The following NMRAL1 variants were observed in gnomAD, a reference collection of about 807,000 sequenced individuals.
NMRAL1 encodes the protein nmrA-like family domain-containing protein 1.
In NMRAL1, 32 loss-of-function variants were observed where a neutral mutation model predicts 27.5. The observed-to-expected ratio is 1.16, with a 90% CI of 0.88 to 1.56. The LOEUF (loss-of-function observed/expected upper bound fraction) is 1.56, where lower values mean the gene tolerates loss of function less well. Ranked by LOEUF, NMRAL1 falls within the 40% of genes most tolerant of loss-of-function variation. NMRAL1 has a pLI of 0.00. For synonymous variants in NMRAL1, 166 were observed against 166.8 expected (o/e 1.00, Z 0.04); for missense variants, 420 against 392.0 (o/e 1.07, Z -0.60).
At position 4,466,240 on chromosome 16, in the gene NMRAL1, T is replaced by C. The variant is rs747270032; in HGVS notation, c.442A>G (p.Thr148Ala). The change falls in exon 4 of 6, where the codon ACC (threonine) becomes GCC (alanine). Residue 148 changes from threonine to alanine, a missense_variant. Coordinates refer to ENST00000283429, the MANE Select transcript of NMRAL1 (RefSeq NM_020677.6). ...AAATAGCAGGGCAGCCGCACACTGGTCATGGGAACGCCAATGTCCCGGAAA... is the reference window on the plus strand; with the variant it reads ...AAATAGCAGGGCAGCCGCACACTGGCCATGGGAACGCCAATGTCCCGGAAA... ...EYFRDIGVPM[T>A]SVRLPCYFEN... 3 of 1,614,078 alleles carry C rather than the reference T, an allele frequency of 1.9e-6. No individual in the cohort carries two copies. Among genetic ancestry groups the C allele is most frequent in the Non-Finnish European group, 2.5e-6 (3 of 1,180,010 alleles).
Position 4,466,413 on chromosome 16 carries a change from G to GGGAAGGAGAGATCACAAGGCTC in NMRAL1, c.280-33_280-12dup, listed in dbSNP as rs776879747. 1.6e-5 allele frequency: 25 copies of GGGAAGGAGAGATCACAAGGCTC among 1,608,880 alleles called. No homozygotes were observed. Among genetic ancestry groups the GGGAAGGAGAGATCACAAGGCTC allele is most frequent in the Middle Eastern group, 2.2e-4 (1 of 4,650 alleles). On this transcript the variant is annotated splice_polypyrimidine_tract_variant and intron_variant, in intron 3 of 5. Transcript: ENST00000283429. ...AGCGAGCAGCTTCCCCTGGAGGGCA[G>GGGAAGGAGAGATCACAAGGCTC]GGAAGGAGAGATCACAAGGCTCAGA...
intron 5 of NMRAL1, among the ~76,000 whole-genome samples, chr16:4,463,080 C>G (rs925822925): frequency 3.5e-4 from 53 of 151,910 alleles, no homozygotes; most frequent in Admixed American, 6.6e-4. Context: ...GTCTCAAACT[C>G]CTGACCTCAG....
At chr16:4,462,862 CTT>C (rs869127734) in intron 5 of NMRAL1, among the ~76,000 whole-genome samples, 2 of 143,630 alleles carry the variant, frequency 1.4e-5, no homozygotes. Context: ...TTCCCAGATT[CTT>C]TTTTTTTTTT....
intron 3 of NMRAL1, 179 bp from the exon 4 acceptor site, chr16:4,466,581 A>C: frequency 1.6e-6 from 1 of 621,762 alleles, no homozygotes; most frequent in South Asian, 2.0e-5. Flanking sequence ...CCACGCCCGT[A>C]AACACAGCCC....
chr16:4,462,435 C>T (rs1392738843), intron 5 of NMRAL1, among the ~76,000 whole-genome samples: 1 of 151,988 alleles, frequency 6.6e-6, no homozygotes, highest in East Asian at 1.9e-4. Flanking sequence ...CTGAGATCAC[C>T]CCACTGTACT....
At chr16:4,467,016 A>C (rs1423521232) in intron 3 of NMRAL1, 1 of 153,998 alleles carries the variant, frequency 6.5e-6, no homozygotes, top group Admixed American at 6.4e-5. Context: ...GGCAGATGTA[A>C]TTACGTGAAG....
intron 4 of NMRAL1, among the ~76,000 whole-genome samples, chr16:4,465,490 C>G (rs1361282819): frequency 6.6e-6 from 1 of 152,242 alleles, no homozygotes; most frequent in Non-Finnish European, 1.5e-5. Flanking sequence ...AAAGAGCTTT[C>G]CTAGTTTGTG....
chr16:4,474,524 CCA>C (rs1343368437), intron 1 of NMRAL1, 28 bp downstream of exon 1: 4 of 175,744 alleles, frequency 2.3e-5, no homozygotes, highest in Non-Finnish European at 3.6e-5. Context: ...GCGCTAGGCG[CCA>C]ACTCCCTCCC....
chr16:4,464,502 T>C (rs997550916), intron 4 of NMRAL1, among the ~76,000 whole-genome samples: 18 of 150,952 alleles, frequency 1.2e-4, no homozygotes, highest in African/African-American at 4.4e-4. Context: ...GCTTGGGTCC[T>C]ATCCTCCTTA....
At chr16:4,472,076 G>GA (rs1450049467) in intron 2 of NMRAL1, among the ~76,000 whole-genome samples, 2 of 148,952 alleles carry the variant, frequency 1.3e-5, no homozygotes, top group Non-Finnish European at 3.0e-5. Flanking sequence ...CCCTGACTCA[G>GA]AAAAAAGTGT....
intron 2 of NMRAL1, among the ~76,000 whole-genome samples, chr16:4,471,972 G>A (rs952605180): frequency 2.6e-5 from 4 of 152,008 alleles, no homozygotes; most frequent in African/African-American, 7.3e-5. Flanking sequence ...CTACTCAGGC[G>A]AATGAGTCAG....
At position 4,461,917 on chromosome 16, in the gene NMRAL1, G is replaced by A. The variant is rs147175262; in HGVS notation, c.763C>T (p.Arg255Trp). 79 of 1,614,094 alleles carry A rather than the reference G, an allele frequency of 4.9e-5. 1 individual carries two copies. The highest frequency in any genetic ancestry group is 3.7e-4 in the South Asian group (34 of 91,072). ...DYEKLGFPGA[R>W]DLANMFRFYA... is the part of the protein sequence containing the mutation. ...AAACGGAACATGTTGGCCAGGTCCC[G>A]GGCACCGGGAAAGCCAAGCTTTTCG... Residue 255 changes from arginine to tryptophan, a missense_variant, in exon 6 of 6, where the codon CGG (arginine) becomes TGG (tryptophan). Transcript: ENST00000283429.
At chr16:4,466,744 C>G (rs965528799) in intron 3 of NMRAL1, 1 of 299,374 alleles carries the variant, frequency 3.3e-6, no homozygotes, top group African/African-American at 2.1e-5. Flanking sequence ...GCCCATGGAG[C>G]TCAGCCATCT....
intron 2 of NMRAL1, 107 bp from the exon 3 acceptor site, chr16:4,469,572 CCTT>C: frequency 1.3e-6 from 2 of 1,543,328 alleles, no homozygotes; most frequent in East Asian, 2.3e-5. Flanking sequence ...ATCCAGGAAA[CCTT>C]CTCAACGACG....
chr16:4,475,500 C>CG (rs1852150362), upstream of NMRAL1, among the ~76,000 whole-genome samples: 1 of 151,398 alleles, frequency 6.6e-6, no homozygotes, highest in Admixed American at 6.6e-5. Context: ...TTGGTAGAGA[C>CG]GGGGTTTCAA....
chr16:4,464,595 A>G (rs533501282), intron 4 of NMRAL1, among the ~76,000 whole-genome samples: 1 of 148,576 alleles, frequency 6.7e-6, no homozygotes, highest in East Asian at 2.0e-4. Flanking sequence ...GGAGCAGGAG[A>G]TATCCCTGAC....
At chr16:4,462,442 T>G (rs756122730) in intron 5 of NMRAL1, among the ~76,000 whole-genome samples, 9 of 152,148 alleles carry the variant, frequency 5.9e-5, no homozygotes, top group Non-Finnish European at 1.2e-4. Flanking sequence ...CACCCCACTG[T>G]ACTCCAGCCT....
chr16:4,466,538 C>A, intron 3 of NMRAL1, 136 bp from the exon 4 acceptor site: 1 of 769,822 alleles, frequency 1.3e-6, no homozygotes, highest in Non-Finnish European at 2.1e-6. Context: ...CTTGAGGAGG[C>A]CCCCTCTCCT....
intron 3 of NMRAL1, among the ~76,000 whole-genome samples, chr16:4,467,619 G>C (rs2057377865): frequency 6.6e-6 from 1 of 151,442 alleles, no homozygotes; most frequent in Non-Finnish European, 1.5e-5. Flanking sequence ...CGATTTCTGT[G>C]GTTTTTGTTT....
Sources: gnomAD v4.1 joint callset for allele counts (sites outside exome capture counted in the v4.1 genomes callset) on GRCh38, gnomAD v4.1.1 for gene constraint, MANE v1.5 for transcripts, NCBI Gene and HGNC (gene_info 2026-07-23, HGNC 2026-07-21) for gene names.